SCNN1B: variants seen among roughly 807,000 people sequenced by gnomAD.
The protein encoded by SCNN1B is sodium channel epithelial 1 subunit beta, also known as epithelial sodium channel subunit beta.
A neutral mutation model predicts 65.3 loss-of-function variants in SCNN1B; 46 were observed. The ratio of observed to expected loss-of-function variants is 0.70; its 90% CI spans 0.56 to 0.90. SCNN1B has a LOEUF of 0.90. SCNN1B is among the 40% of genes least tolerant of loss of function. The pLI is 0.00. For synonymous variants in SCNN1B, 349 were observed against 330.6 expected (o/e 1.06, Z -0.60); for missense variants, 751 against 830.5 (o/e 0.90, Z 1.18).
chr16:23,378,776 G>C lies in SCNN1B; in HGVS notation c.1466+9G>C. On this transcript the variant is annotated intron_variant, in intron 11 of 12. Transcript: ENST00000343070. Reference sequence around the variant, plus strand: ...AATATCACCCTGAGCAGGTGAGCCTGAGCCTGGGCGGGGCTGGGGAAGACA... The same window carrying C: ...AATATCACCCTGAGCAGGTGAGCCTCAGCCTGGGCGGGGCTGGGGAAGACA... The C allele has an allele frequency of 6.2e-7, 1 of 1,613,998 alleles. No individual in the cohort carries two copies. Among genetic ancestry groups the C allele is most frequent in the Middle Eastern group, 1.7e-4 (1 of 6,060 alleles).
At chr16:23,359,332 A>G (rs992219914) in intron 4 of SCNN1B, 1 of 152,228 alleles carries the variant, frequency 6.6e-6, no homozygotes, top group African/African-American at 2.4e-5. Context: ...CCCACCCCGC[A>G]TCACTCTATT....
chr16:23,292,724 G>A (rs536306103), intron 2 of SCNN1B, among the ~76,000 whole-genome samples: 159 of 148,856 alleles, frequency 1.1e-3, no homozygotes, highest in Admixed American at 3.1e-3. Context: ...GGCTGGTCTC[G>A]AACTCCTGGG....
chr16:23,297,811 G>T (rs1437634283), upstream of SCNN1B, among the ~76,000 whole-genome samples: 1 of 152,148 alleles, frequency 6.6e-6, no homozygotes, highest in African/African-American at 2.4e-5. Flanking sequence ...ACACCCCTAA[G>T]ATCAAAATAC....
intron 1 of SCNN1B, among the ~76,000 whole-genome samples, chr16:23,332,068 G>A (rs1961823774): frequency 6.6e-6 from 1 of 152,028 alleles, no homozygotes; most frequent in South Asian, 2.1e-4. Flanking sequence ...CTGCTCTATT[G>A]CCCAGGCTAG....
chr16:23,291,577 T>G (rs1960925528), intron 2 of SCNN1B, among the ~76,000 whole-genome samples: 1 of 151,768 alleles, frequency 6.6e-6, no homozygotes, highest in African/African-American at 2.4e-5. Flanking sequence ...TTATTTATTT[T>G]TTATTATATT....
At chr16:23,358,736 ATC>A (rs766919146) in intron 4 of SCNN1B, among the ~76,000 whole-genome samples, 2 of 152,144 alleles carry the variant, frequency 1.3e-5, no homozygotes, top group Non-Finnish European at 2.9e-5. Flanking sequence ...GCAAAACCCC[ATC>A]TCTACTAAAT....
intron 10 of SCNN1B, among the ~76,000 whole-genome samples, chr16:23,377,786 C>CCACTTCTGT (rs1962945280): frequency 3.0e-5 from 3 of 100,342 alleles, no homozygotes; most frequent in South Asian, 6.3e-4. Context: ...TCCTCCCTCC[C>CCACTTCTGT]TTCCTTCTTT....
intron 1 of SCNN1B, among the ~76,000 whole-genome samples, chr16:23,318,328 G>A (rs2141991927): frequency 6.6e-6 from 1 of 152,172 alleles, no homozygotes; most frequent in East Asian, 1.9e-4. Context: ...CTAATATGCG[G>A]CCAGGCACAG....
At chr16:23,373,107 C>G (rs1207470937) in intron 7 of SCNN1B, among the ~76,000 whole-genome samples, 2 of 151,898 alleles carry the variant, frequency 1.3e-5, no homozygotes, top group African/African-American at 2.4e-5. Flanking sequence ...ACTCTTGTCT[C>G]AAAAAAGTAA....
At chr16:23,343,320 T>C (rs983144144) in intron 1 of SCNN1B, among the ~76,000 whole-genome samples, 2 of 151,690 alleles carry the variant, frequency 1.3e-5, no homozygotes, top group African/African-American at 4.9e-5. Context: ...GGCGTGGTGG[T>C]GCATGCCTGT....
intron 1 of SCNN1B, among the ~76,000 whole-genome samples, chr16:23,334,178 G>A (rs1036331394): frequency 5.3e-5 from 8 of 152,196 alleles, no homozygotes; most frequent in East Asian, 1.9e-4. Flanking sequence ...CACCCAACAC[G>A]TGGGGCAGCG....
At chr16:23,288,072 C>G (rs1327310216) in intron 2 of SCNN1B, among the ~76,000 whole-genome samples, 1 of 152,032 alleles carries the variant, frequency 6.6e-6, no homozygotes, top group Non-Finnish European at 1.5e-5. Flanking sequence ...GGAAGCATCA[C>G]TTGAGCCCTG....
chr16:23,336,342 G>A (rs1247592402), intron 1 of SCNN1B, among the ~76,000 whole-genome samples: 1 of 151,832 alleles, frequency 6.6e-6, no homozygotes, highest in Non-Finnish European at 1.5e-5. Flanking sequence ...AATTAACAGG[G>A]CATTTCCCAA....
chr16:23,323,764 C>G (rs1015973422), intron 1 of SCNN1B, among the ~76,000 whole-genome samples: 1 of 152,148 alleles, frequency 6.6e-6, no homozygotes, highest in East Asian at 1.9e-4. Flanking sequence ...TCTATAGACA[C>G]CAGTAGCCCT....
At chr16:23,344,326 C>A (rs975468549) in intron 1 of SCNN1B, among the ~76,000 whole-genome samples, 1 of 152,172 alleles carries the variant, frequency 6.6e-6, no homozygotes, top group African/African-American at 2.4e-5. Context: ...CTGTTGGTAC[C>A]AAGCTGAGAC....
chr16:23,371,718 G>A, intron 6 of SCNN1B, 58 bp from the exon 7 acceptor site: 2 of 1,389,752 alleles, frequency 1.4e-6, no homozygotes, highest in Non-Finnish European at 2.1e-6. Context: ...GAAGGGAGGT[G>A]CAGAAAGGGC....
At chr16:23,353,356 C>G in intron 3 of SCNN1B, 1 of 493,526 alleles carries the variant, frequency 2.0e-6, no homozygotes, top group Non-Finnish European at 3.7e-6. Context: ...TCAGGCAAGG[C>G]TGGATCCAGG....
rs746051982 is a variant in SCNN1B, at chr16:23,352,852, T to G, written c.363T>G (p.Ala121=). The G allele has an allele frequency of 2.1e-5, 34 of 1,614,070 alleles. No homozygotes were observed. The Admixed American group carries it at 5.5e-4, about 26-fold the overall frequency. Residue 121 remains alanine (A), a synonymous_variant, in exon 3 of 13, where the codon GCT becomes GCG. Transcript: ENST00000343070. The part of the protein sequence containing the change: ...LLKDLDELME[A]VLERILAPEL... ...AGGACCTGGATGAGCTGATGGAAGC[T>G]GTCCTGGAGAGAATCCTGGCTCCTG...
chr16:23,330,805 A>G (rs1000847347), intron 1 of SCNN1B, among the ~76,000 whole-genome samples: 2 of 152,068 alleles, frequency 1.3e-5, no homozygotes, highest in Non-Finnish European at 2.9e-5. Flanking sequence ...CCTGGCCTCA[A>G]GCGATCCTCC....
Sources: allele counts gnomAD v4.1 joint callset (sites outside exome capture counted in the v4.1 genomes callset), GRCh38; gene constraint gnomAD v4.1.1; transcripts MANE v1.5; gene names NCBI Gene and HGNC (gene_info 2026-07-23, HGNC 2026-07-21).